The following CYTH1 variants were observed in gnomAD, a reference collection of about 807,000 sequenced individuals.
CYTH1 encodes the protein cytohesin 1.
In CYTH1, 18 loss-of-function variants were observed where a neutral mutation model predicts 61.8. The ratio of observed to expected loss-of-function variants is 0.29; its 90% CI spans 0.20 to 0.43. CYTH1 has a LOEUF of 0.43. Ranked by LOEUF, CYTH1 falls within the 20% of genes least tolerant of loss-of-function variation. The pLI, the probability that CYTH1 is intolerant of heterozygous loss-of-function variation, is 1.00. For missense variants in CYTH1, 336 were observed against 510.5 expected (o/e 0.66, Z 3.29); for synonymous variants, 174 against 184.3 (o/e 0.94, Z 0.45).
chr17:78,724,647 T>C (rs2093255563), intron 1 of CYTH1, among the ~76,000 whole-genome samples: 1 of 152,176 alleles, frequency 6.6e-6, no homozygotes, highest in Non-Finnish European at 1.5e-5. Flanking sequence ...TTAAGAACCA[T>C]TGCTCTAGAT....
chr17:78,681,013 T>C lies in CYTH1; in HGVS notation c.921A>G (p.Leu307=). The C allele has an allele frequency of 1.2e-6, 2 of 1,614,108 alleles. No homozygotes were observed. The highest frequency in any genetic ancestry group is 2.2e-5 in the South Asian group (2 of 91,080). The part of the protein sequence containing the change: ...TDKEPRGIIP[L]ENLSIREVED... ...CCACTTCCCGGATACTCAGATTCTC[T>C]AAAGGGATGATTCCACGGGGCTCCT... is the stretch of plus-strand genomic sequence containing the variant. The change falls in exon 12 of 14, where the codon TTA becomes TTG. Residue 307 remains leucine (L), a synonymous_variant. Coordinates refer to ENST00000446868, the MANE Select transcript of CYTH1 (RefSeq NM_004762.6).
chr17:78,705,714 G>A (rs1403543668), intron 3 of CYTH1, among the ~76,000 whole-genome samples: 5 of 152,094 alleles, frequency 3.3e-5, no homozygotes, highest in Non-Finnish European at 1.5e-5. Context: ...TTCCGTCTTG[G>A]CGCTTTCGAT....
intron 1 of CYTH1, among the ~76,000 whole-genome samples, chr17:78,772,376 A>G (rs2093474806): frequency 6.6e-6 from 1 of 152,248 alleles, no homozygotes; most frequent in Non-Finnish European, 1.5e-5. Context: ...GCAATCTTCT[A>G]ATTCTTACTA....
intron 1 of CYTH1, among the ~76,000 whole-genome samples, chr17:78,755,491 T>TTAAAA (rs1555614472): frequency 7.7e-6 from 1 of 129,846 alleles, no homozygotes; most frequent in Non-Finnish European, 1.6e-5. Flanking sequence ...TGGGTTTATT[T>TTAAAA]AAAAAAAAAA....
At chr17:78,763,198 C>T (rs2093435488) in intron 1 of CYTH1, among the ~76,000 whole-genome samples, 1 of 151,822 alleles carries the variant, frequency 6.6e-6, no homozygotes, top group South Asian at 2.1e-4. Context: ...ACAAAATTAG[C>T]CAGGAGTGGT....
intron 1 of CYTH1, among the ~76,000 whole-genome samples, chr17:78,743,532 T>C (rs1303755867): frequency 6.6e-6 from 1 of 152,208 alleles, no homozygotes; most frequent in Non-Finnish European, 1.5e-5. Flanking sequence ...AGGTTAGGGA[T>C]GCTCTGGCAA....
intron 1 of CYTH1, among the ~76,000 whole-genome samples, chr17:78,753,384 C>T (rs1018554128): frequency 2.0e-5 from 3 of 152,192 alleles, no homozygotes; most frequent in African/African-American, 4.8e-5. Flanking sequence ...CCAGAAGACT[C>T]ATGCTCTTGG....
At chr17:78,756,963 A>G (rs1317524168) in intron 1 of CYTH1, among the ~76,000 whole-genome samples, 2 of 151,138 alleles carry the variant, frequency 1.3e-5, no homozygotes, top group Non-Finnish European at 2.9e-5. Context: ...CGGAATTTCA[A>G]GGTTTGAATT....
At chr17:78,699,026 C>G (rs1397187552) in intron 7 of CYTH1, 58 bp from the exon 8 acceptor site, 1 of 1,579,356 alleles carries the variant, frequency 6.3e-7, no homozygotes, top group African/African-American at 1.4e-5. Flanking sequence ...TCAGAAACAT[C>G]CCACCCGCAA....
Position 78,772,208 on chromosome 17 carries a change from G to A in CYTH1, c.22+9994C>T, listed in dbSNP as rs148432205. ...TTGGAGAGGAGAGCAGGAAAGGTGT[G>A]GAACAATAACAGGAAAGCAGACTCG... On this transcript the variant is annotated intron_variant, in intron 1 of 13. Transcript: ENST00000446868. Among the ~76,000 whole-genome samples, 294 of 152,218 alleles carry A rather than the reference G, an allele frequency of 1.9e-3. 2 individuals carry two copies. Among genetic ancestry groups the A allele is most frequent in the South Asian group, 7.5e-3 (36 of 4,824 alleles).
chr17:78,734,667 T>G (rs1476270982), intron 1 of CYTH1, among the ~76,000 whole-genome samples: 1 of 152,062 alleles, frequency 6.6e-6, no homozygotes, highest in East Asian at 1.9e-4. Flanking sequence ...CTGGAACTCC[T>G]GACCTCAGGT....
At chr17:78,732,826 C>T (rs933006705) in intron 1 of CYTH1, among the ~76,000 whole-genome samples, 4 of 152,062 alleles carry the variant, frequency 2.6e-5, no homozygotes, top group South Asian at 2.1e-4. Flanking sequence ...CGGTGGCTCC[C>T]GCCTGTAATC....
At chr17:78,779,273 G>A (rs1381831919) in intron 1 of CYTH1, among the ~76,000 whole-genome samples, 1 of 151,986 alleles carries the variant, frequency 6.6e-6, no homozygotes, top group East Asian at 1.9e-4. Context: ...GGTGGCGCAT[G>A]CCTGTAATCC....
At chr17:78,690,781 G>A (rs2092877054) in intron 11 of CYTH1, among the ~76,000 whole-genome samples, 1 of 152,102 alleles carries the variant, frequency 6.6e-6, no homozygotes, top group African/African-American at 2.4e-5. Context: ...CTGAATTAAG[G>A]ATTAAGGTGA....
chr17:78,753,978 A>T (rs912726043), intron 1 of CYTH1, among the ~76,000 whole-genome samples: 2 of 152,180 alleles, frequency 1.3e-5, no homozygotes, highest in African/African-American at 4.8e-5. Flanking sequence ...TGGTAATGAC[A>T]TCATCAATCC....
chr17:78,689,077 T>TG (rs1342670653), intron 11 of CYTH1, among the ~76,000 whole-genome samples: 1 of 152,112 alleles, frequency 6.6e-6, no homozygotes, highest in Admixed American at 6.5e-5. Flanking sequence ...GAAAGAGATG[T>TG]GGATGGCAGT....
At chr17:78,686,571 A>G (rs1444307397) in intron 11 of CYTH1, among the ~76,000 whole-genome samples, 1 of 152,084 alleles carries the variant, frequency 6.6e-6, no homozygotes, top group East Asian at 1.9e-4. Context: ...GGGAGAGCTC[A>G]TCGAAGATAC....
intron 1 of CYTH1, among the ~76,000 whole-genome samples, chr17:78,722,319 C>T (rs1224975202): frequency 1.3e-5 from 2 of 152,224 alleles, no homozygotes; most frequent in Admixed American, 6.5e-5. Flanking sequence ...TTCTTTCTAG[C>T]ACTCCACTGC....
intron 1 of CYTH1, among the ~76,000 whole-genome samples, chr17:78,761,214 C>A (rs8076588): frequency 0.45 from 69,045 of 151,924 alleles, 16,632 homozygotes; most frequent in Non-Finnish European, 0.54. Context: ...AACAGCAGTT[C>A]CCCACCTTCT....
Sources: allele counts gnomAD v4.1 joint callset (sites outside exome capture counted in the v4.1 genomes callset), GRCh38; gene constraint gnomAD v4.1.1; transcripts MANE v1.5; gene names NCBI Gene and HGNC (gene_info 2026-07-23, HGNC 2026-07-21).